Variants in CCNY observed in about 807,000 individuals in gnomAD.
CCNY encodes the protein cyclin-Y.
In CCNY, 19 loss-of-function variants were observed where a neutral mutation model predicts 42.8. That is an observed-to-expected ratio of 0.44 (90% CI 0.31 to 0.65). The LOEUF (loss-of-function observed/expected upper bound fraction) is 0.65. Ranked by LOEUF, CCNY falls within the 30% of genes least tolerant of loss-of-function variation. The pLI is 0.07. For synonymous variants in CCNY, 165 were observed against 162.7 expected (o/e 1.01, Z -0.11); for missense variants, 370 against 437.3 (o/e 0.85, Z 1.37).
At chr10:35,523,930 G>C (rs1372141511) in intron 4 of CCNY, among the ~76,000 whole-genome samples, 2 of 152,164 alleles carry the variant, frequency 1.3e-5, no homozygotes, top group Non-Finnish European at 2.9e-5. Context: ...ACTGCTGTAT[G>C]CTCCCTCACA....
intron 3 of CCNY, among the ~76,000 whole-genome samples, chr10:35,273,854 G>A (rs1008483689): frequency 6.6e-6 from 1 of 152,130 alleles, no homozygotes; most frequent in Non-Finnish European, 1.5e-5. Context: ...GGTCCCTCTA[G>A]TATATATAAG....
intron 1 of CCNY, among the ~76,000 whole-genome samples, chr10:35,393,012 C>T (rs564007557): frequency 6.3e-4 from 96 of 152,274 alleles, no homozygotes; most frequent in African/African-American, 2.3e-3. Flanking sequence ...ATCCCCCTCC[C>T]CTTGCTGTCT....
At chr10:35,326,666 G>C (rs1835884173) in intron 3 of CCNY, among the ~76,000 whole-genome samples, 1 of 151,972 alleles carries the variant, frequency 6.6e-6, no homozygotes, top group Admixed American at 6.6e-5. Context: ...TGGGAGGTTT[G>C]CTTGAGCCTA....
chr10:35,264,231 TC>T (rs2095722628), intron 3 of CCNY, among the ~76,000 whole-genome samples: 1 of 152,178 alleles, frequency 6.6e-6, no homozygotes, highest in South Asian at 2.1e-4. Context: ...GGTATTTCTT[TC>T]TTTTTTTTTA....
At chr10:35,458,724 C>T (rs892117389) in intron 1 of CCNY, among the ~76,000 whole-genome samples, 1 of 152,178 alleles carries the variant, frequency 6.6e-6, no homozygotes, top group African/African-American at 2.4e-5. Flanking sequence ...GGGTGTGAGC[C>T]AAGCCCGTCC....
chr10:35,386,981 G>A (rs1249557410), intron 1 of CCNY, among the ~76,000 whole-genome samples: 1 of 152,124 alleles, frequency 6.6e-6, no homozygotes. Flanking sequence ...ACACCAGCAG[G>A]CCTTCAGTGA....
chr10:35,534,612 C>A (rs1840841998), intron 7 of CCNY, among the ~76,000 whole-genome samples: 1 of 152,014 alleles, frequency 6.6e-6, no homozygotes, highest in Non-Finnish European at 1.5e-5. Flanking sequence ...ATTTTATATA[C>A]CATACAATTC....
At chr10:35,491,537 C>T (rs1839895784) in intron 2 of CCNY, among the ~76,000 whole-genome samples, 1 of 152,194 alleles carries the variant, frequency 6.6e-6, no homozygotes, top group Non-Finnish European at 1.5e-5. Flanking sequence ...ATCGTACATG[C>T]TCCTTGGGGT....
intron 7 of CCNY, among the ~76,000 whole-genome samples, chr10:35,543,628 ACT>A (rs1841049800): frequency 6.6e-6 from 1 of 151,692 alleles, no homozygotes; most frequent in Non-Finnish European, 1.5e-5. Context: ...ATAATAAACG[ACT>A]CTGTTACTGT....
chr10:35,275,688 G>A (rs917258737), intron 3 of CCNY, among the ~76,000 whole-genome samples: 17 of 152,046 alleles, frequency 1.1e-4, no homozygotes, highest in East Asian at 5.9e-4. Context: ...GCGTGAACCC[G>A]GGAGGCGGAG....
intron 7 of CCNY, among the ~76,000 whole-genome samples, chr10:35,541,442 G>A (rs913715730): frequency 6.6e-6 from 1 of 152,100 alleles, no homozygotes; most frequent in African/African-American, 2.4e-5. Context: ...TGTTGCCCTG[G>A]CTAGAGTGCA....
At chr10:35,416,193 G>GTGTT (rs541587787) in intron 1 of CCNY, among the ~76,000 whole-genome samples, 23 of 151,708 alleles carry the variant, frequency 1.5e-4, no homozygotes, top group South Asian at 4.2e-4. Flanking sequence ...GTGTGTGTGT[G>GTGTT]TCCTTGTAGG....
intron 7 of CCNY, among the ~76,000 whole-genome samples, chr10:35,543,112 C>T (rs961198422): frequency 6.6e-6 from 1 of 152,152 alleles, no homozygotes; most frequent in Non-Finnish European, 1.5e-5. Flanking sequence ...TGTTCATAAT[C>T]TTGTATATTT....
rs187285372 is a variant in CCNY at position 35,426,934 on chromosome 10, A to G, written c.155-56470A>G. ...GTTATTAGATTGAATTATAATGAGA[A>G]GAAGCCTTTGTGCCTCTGGGCTCCC... On this transcript the variant is annotated intron_variant, in intron 1 of 9. Transcript: ENST00000374704. 3.4e-4 allele frequency among the ~76,000 whole-genome samples: 52 copies of G among 152,366 alleles called. 1 individual carries two copies. Among genetic ancestry groups the G allele is most frequent in the African/African-American group, 1.0e-3 (43 of 41,590 alleles).
At chr10:35,394,356 A>G (rs1200710937) in intron 1 of CCNY, among the ~76,000 whole-genome samples, 1 of 152,252 alleles carries the variant, frequency 6.6e-6, no homozygotes, top group Non-Finnish European at 1.5e-5. Flanking sequence ...CCTTGATTCA[A>G]TTAACATGTG....
At chr10:35,466,875 C>A (rs985903641) in intron 1 of CCNY, among the ~76,000 whole-genome samples, 1 of 152,232 alleles carries the variant, frequency 6.6e-6, no homozygotes, top group Admixed American at 6.5e-5. Flanking sequence ...TGGGGTCAAG[C>A]GATCCTCCTG....
chr10:35,265,286 C>T (rs909675124), intron 3 of CCNY, among the ~76,000 whole-genome samples: 13 of 152,080 alleles, frequency 8.5e-5, no homozygotes, highest in Admixed American at 3.3e-4. Flanking sequence ...GAAATAATTC[C>T]GGCATCTTAC....
intron 2 of CCNY, among the ~76,000 whole-genome samples, chr10:35,248,932 T>C (rs1336153435): frequency 6.6e-6 from 1 of 152,196 alleles, no homozygotes; most frequent in Non-Finnish European, 1.5e-5. Flanking sequence ...TAAAAGTCTT[T>C]TTTAGTGACA....
rs1196602848 is a variant in CCNY at position 35,525,125 on chromosome 10, A to T, written c.366-839A>T. The stretch of plus-strand genomic sequence containing the variant: ...GTTAAGTAAATTATTCGACAATCAT[A>T]TGAAGGAATATAATCAGCCATTTAA... On this transcript the variant is annotated intron_variant, in intron 4 of 9. Transcript: ENST00000374704. Among the ~76,000 whole-genome samples, 3 of 152,230 alleles carry T rather than the reference A, an allele frequency of 2.0e-5. No individual in the cohort carries two copies. The East Asian group carries it at 5.8e-4, about 29-fold the overall frequency.
Sources: allele counts gnomAD v4.1 joint callset (sites outside exome capture counted in the v4.1 genomes callset), GRCh38; gene constraint gnomAD v4.1.1; transcripts MANE v1.5; gene names NCBI Gene and HGNC (gene_info 2026-07-23, HGNC 2026-07-21).